The following TOX variants were observed in gnomAD, a reference collection of about 807,000 sequenced individuals.
The protein encoded by TOX is thymocyte selection associated high mobility group box.
Under a neutral mutation model 53.7 loss-of-function variants are expected in TOX, and 11 were observed. The ratio of observed to expected loss-of-function variants is 0.20; its 90% CI spans 0.13 to 0.34. TOX has a LOEUF of 0.34. Among genes scored for constraint, TOX ranks in the 10% least tolerant of loss-of-function variants. The probability of loss-of-function intolerance (pLI) is 1.00; values close to 1 mark genes in which losing one functional copy is unlikely to be tolerated. For missense variants in TOX, 570 were observed against 664.6 expected, an observed-to-expected ratio of 0.86 and a Z score of 1.56; for synonymous variants, 225 against 245.3, an observed-to-expected ratio of 0.92 and a Z score of 0.77.
chr8:58,977,210 C>G (rs997700879), intron 1 of TOX, among the ~76,000 whole-genome samples: 2 of 152,254 alleles, frequency 1.3e-5, no homozygotes, highest in African/African-American at 4.8e-5. Context: ...TACGTCAGCA[C>G]TTGCTGTTTC....
At chr8:59,076,084 C>T (rs184236412) in intron 1 of TOX, among the ~76,000 whole-genome samples, 5 of 151,554 alleles carry the variant, frequency 3.3e-5, no homozygotes, top group East Asian at 1.9e-4. Flanking sequence ...GAGAAGAAGG[C>T]GCTGTAAACC....
In TOX at chr8:58,807,712, G is replaced by A; in HGVS notation, c.*35C>T. 6.2e-7 allele frequency: 1 copy of A among 1,612,634 alleles called. No homozygotes were observed. Among genetic ancestry groups the A allele is most frequent in the Admixed American group, 1.7e-5 (1 of 60,006 alleles). ...CAATCCATGGTGAAAACACTTCCCTGAATTCCTCAGTGGAAAGAAGAGGTG... is the reference window on the plus strand; with the variant it reads ...CAATCCATGGTGAAAACACTTCCCTAAATTCCTCAGTGGAAAGAAGAGGTG... On this transcript the variant is annotated 3_prime_UTR_variant, in exon 9 of 9. Coordinates refer to ENST00000361421, the MANE Select transcript of TOX (RefSeq NM_014729.3).
chr8:58,843,132 T>C (rs1810672112), intron 4 of TOX, among the ~76,000 whole-genome samples: 1 of 152,212 alleles, frequency 6.6e-6, no homozygotes, highest in Admixed American at 6.5e-5. Flanking sequence ...CATCTTTGTC[T>C]TTGTTGTGCC....
chr8:58,852,125 G>A (rs1810834546), intron 3 of TOX, among the ~76,000 whole-genome samples: 2 of 152,002 alleles, frequency 1.3e-5, no homozygotes, highest in South Asian at 4.1e-4. Flanking sequence ...ATATGTATTT[G>A]TATATTACAG....
chr8:58,886,816 T>G (rs1811476655), intron 3 of TOX, among the ~76,000 whole-genome samples: 1 of 151,796 alleles, frequency 6.6e-6, no homozygotes, highest in African/African-American at 2.4e-5. Context: ...ATATTTACTT[T>G]TATTTTATGT....
chr8:59,104,663 T>C (rs886688751), intron 1 of TOX, among the ~76,000 whole-genome samples: 2 of 152,236 alleles, frequency 1.3e-5, no homozygotes, highest in Non-Finnish European at 2.9e-5. Context: ...TCTATGTTAA[T>C]TCAAATAGCC....
intron 3 of TOX, among the ~76,000 whole-genome samples, chr8:58,899,662 A>T (rs913638307): frequency 2.6e-5 from 4 of 152,212 alleles, no homozygotes; most frequent in African/African-American, 9.6e-5. Context: ...CTAGTCAGAA[A>T]AGCTGGAATC....
intron 3 of TOX, among the ~76,000 whole-genome samples, chr8:58,865,773 A>C (rs1181465707): frequency 6.6e-6 from 1 of 151,296 alleles, no homozygotes; most frequent in Non-Finnish European, 1.5e-5. Flanking sequence ...ATTAGAAGTA[A>C]TATTCATTTT....
intron 3 of TOX, among the ~76,000 whole-genome samples, chr8:58,906,820 TATAAA>T (rs1258322455): frequency 6.6e-6 from 1 of 152,206 alleles, no homozygotes; most frequent in African/African-American, 2.4e-5. Flanking sequence ...TTCAAGATGT[TATAAA>T]ATAAAACATC....
intron 3 of TOX, among the ~76,000 whole-genome samples, chr8:58,864,011 TA>T (rs1351652368): frequency 6.6e-6 from 1 of 151,862 alleles, no homozygotes; most frequent in African/African-American, 2.4e-5. Context: ...GGTACATGAG[TA>T]GAATTTAACT....
chr8:59,012,507 C>T (rs932541856), intron 1 of TOX, among the ~76,000 whole-genome samples: 2 of 151,466 alleles, frequency 1.3e-5, no homozygotes, highest in Admixed American at 6.6e-5. Flanking sequence ...AGGCCTAAAC[C>T]CCATACCTCA....
At chr8:58,855,106 G>A (rs1465172458) in intron 3 of TOX, among the ~76,000 whole-genome samples, 1 of 151,990 alleles carries the variant, frequency 6.6e-6, no homozygotes, top group Non-Finnish European at 1.5e-5. Flanking sequence ...ATGCTTAATT[G>A]CAATGGTTGT....
intron 4 of TOX, 89 bp from the exon 5 acceptor site, chr8:58,838,400 A>C (rs1365101317): frequency 1.0e-6 from 1 of 992,370 alleles, no homozygotes; most frequent in African/African-American, 1.6e-5. Flanking sequence ...ACTTAGACAC[A>C]TACCCATTCA....
chr8:58,870,782 G>A (rs1036101281), intron 3 of TOX, among the ~76,000 whole-genome samples: 3 of 152,080 alleles, frequency 2.0e-5, no homozygotes, highest in African/African-American at 7.2e-5. Context: ...CAATGGAAAA[G>A]ACAGTCTTTT....
chr8:58,958,685 A>G (rs764997949), intron 2 of TOX, among the ~76,000 whole-genome samples: 2 of 152,224 alleles, frequency 1.3e-5, no homozygotes, highest in African/African-American at 2.4e-5. Context: ...GCCTTCCAAA[A>G]GTATTCTTAG....
chr8:59,009,351 CCTTT>C, intron 1 of TOX, among the ~76,000 whole-genome samples: 1 of 151,104 alleles, frequency 6.6e-6, no homozygotes, highest in East Asian at 1.9e-4. Flanking sequence ...TTCCTTCCCT[CCTTT>C]CTTTCTCTCT....
chr8:58,936,083 T>A (rs1396185791), intron 3 of TOX, among the ~76,000 whole-genome samples: 4 of 152,194 alleles, frequency 2.6e-5, no homozygotes, highest in Non-Finnish European at 5.9e-5. Flanking sequence ...CCTACAACAC[T>A]GCTTTCGTAA....
At chr8:59,011,603 C>T (rs775754804) in intron 1 of TOX, among the ~76,000 whole-genome samples, 2 of 152,048 alleles carry the variant, frequency 1.3e-5, no homozygotes, top group African/African-American at 2.4e-5. Flanking sequence ...ACTTTGGCTG[C>T]AGGGTAAGTA....
chr8:58,915,600 G>GA lies in TOX; in HGVS notation c.411+23701dup, dbSNP rs1417933036. ...AAGTAGATAAAACCACAAAGATGGGGAAAAAACAGAACAGAAAAACTGGAA... is the reference window on the plus strand; with the variant it reads ...AAGTAGATAAAACCACAAAGATGGGGAAAAAAACAGAACAGAAAAACTGGAA... On this transcript the variant is annotated intron_variant, in intron 3 of 8. Coordinates refer to ENST00000361421, the MANE Select transcript of TOX (RefSeq NM_014729.3). Among the ~76,000 whole-genome samples the GA allele has an allele frequency of 3.0e-3, 413 of 136,566 alleles. 1 individual carries two copies. The highest frequency in any genetic ancestry group is 0.011 in the African/African-American group (399 of 35,726). The allele number at this position is 136,566 out of a possible 152,430, so 89.6% of individuals were successfully genotyped here.
Sources: allele counts gnomAD v4.1 joint callset (sites outside exome capture counted in the v4.1 genomes callset), GRCh38; gene constraint gnomAD v4.1.1; transcripts MANE v1.5; gene names NCBI Gene and HGNC (gene_info 2026-07-23, HGNC 2026-07-21).